The following CHD1 variants were observed in gnomAD, a reference collection of about 807,000 sequenced individuals.
CHD1 encodes chromodomain helicase DNA binding protein 1.
CHD1 carries 36 observed loss-of-function variants against 224.2 expected under a neutral mutation model. That is an observed-to-expected ratio of 0.16 (90% confidence interval 0.12 to 0.21). CHD1 has a LOEUF of 0.21. Ranked by LOEUF, CHD1 falls within the 10% of genes least tolerant of loss-of-function variation. The pLI is 1.00. For missense variants in CHD1, 1,378 were observed against 1,994.8 expected (o/e 0.69, Z 5.89); for synonymous variants, 668 against 658.3 (o/e 1.01, Z -0.23).
chr5:98,911,146 A>AAAATATATATATAAATATATATATATAT (rs1491111295), intron 2 of CHD1, among the ~76,000 whole-genome samples: 1 of 39,144 alleles, frequency 2.6e-5, no homozygotes, highest in African/African-American at 1.2e-4. Flanking sequence ...AAAAAAAAAA[A>AAAATATATATATAAATATATATATATAT]ATATATATAT....
chr5:98,901,080 G>T lies in CHD1; in HGVS notation c.590C>A (p.Ser197Tyr). The T allele has an allele frequency of 3.2e-6, 5 of 1,583,878 alleles. No individual in the cohort carries two copies. The highest frequency in any genetic ancestry group is 4.3e-6 in the Non-Finnish European group (5 of 1,169,732). ...AATCTTCTTTCCATTTTTTGACTTA[G>T]ATCTAGGAAAGTGCAAAGAGAAAAA... ...KVKSRKPQNR[S>Y]KSKNGKKILG... Residue 197 changes from serine to tyrosine, a missense_variant and splice_region_variant, in exon 7 of 36, where the codon TCT (serine) becomes TAT (tyrosine). Transcript: ENST00000614616.
intron 31 of CHD1, among the ~76,000 whole-genome samples, chr5:98,864,349 A>G (rs990252299): frequency 6.6e-6 from 1 of 151,990 alleles, no homozygotes; most frequent in African/African-American, 2.4e-5. Context: ...TGATGGGTCA[A>G]CATCAGACAA....
chr5:98,872,547 G>C lies in CHD1; in HGVS notation c.3580C>G (p.Leu1194Val). The C allele has an allele frequency of 6.2e-7, 1 of 1,612,336 alleles. No individual in the cohort carries two copies. Among genetic ancestry groups the C allele is most frequent in the Non-Finnish European group, 8.5e-7 (1 of 1,179,482 alleles). ...AATGTTGGACCCTTCACTTTTCCGA[G>C]TCTACCACCTTGATTTTTTTTAAAA... ...SSGTERTGGR[L>V]GKVKGPTFRI... Residue 1194 changes from leucine to valine, a missense_variant, in exon 27 of 36, where the codon CTC (leucine) becomes GTC (valine). By Grantham distance (32) the Leu-to-Val change is conservative. Around this residue, in one of 16 missense-constraint regions of CHD1, gnomAD observed 286 missense variants for 445.1 expected, o/e 0.64. Transcript: ENST00000614616.
At chr5:98,858,855 TATAA>T in intron 34 of CHD1, 105 bp downstream of exon 34, 1 of 605,472 alleles carries the variant, frequency 1.7e-6, no homozygotes, top group Non-Finnish European at 2.7e-6. Flanking sequence ...TAAAGGTACT[TATAA>T]ATAAAAACAA....
chr5:98,885,622 G>A lies in CHD1; in HGVS notation c.2524C>T (p.Leu842=), dbSNP rs375834691. ...QRLDGSIKGE[L]RKQALDHFNA... ...AAATGATCTAGAGCTTGTTTCCTCA[G>A]TTCTCCTTTTATTGATCCATCTAAT... Residue 842 remains leucine, a synonymous_variant, in exon 18 of 36, where the codon CTG becomes TTG. Coordinates refer to ENST00000614616, the MANE Select transcript of CHD1 (RefSeq NM_001270.4). 9 of 1,600,992 alleles carry A rather than the reference G, an allele frequency of 5.6e-6. No homozygotes were observed. The African/African-American group carries it at 1.2e-4, about 22-fold the overall frequency.
chr5:98,910,237 C>T (rs1393837341), intron 2 of CHD1, among the ~76,000 whole-genome samples: 2 of 152,176 alleles, frequency 1.3e-5, no homozygotes, highest in Non-Finnish European at 2.9e-5. Flanking sequence ...GAGTTGGTTG[C>T]AAATGGCACT....
chr5:98,913,320 T>G (rs1447089479), intron 2 of CHD1, among the ~76,000 whole-genome samples: 1 of 151,980 alleles, frequency 6.6e-6, no homozygotes, highest in African/African-American at 2.4e-5. Context: ...AAAAAATATA[T>G]AAACTTAGCT....
In CHD1 at chr5:98,869,873, T is replaced by C; in HGVS notation, c.3988A>G (p.Lys1330Glu). 1 of 1,597,026 alleles carries C rather than the reference T, an allele frequency of 6.3e-7. No individual in the cohort carries two copies. The change falls in exon 30 of 36, where the codon AAG (lysine) becomes GAG (glutamate). Residue 1330 changes from lysine (K) to glutamate (E), a missense_variant. Physicochemically the swap from Lys to Glu is moderately conservative, Grantham distance 56 (BLOSUM62 1). Transcript: ENST00000614616. ...KEALSGAGSS[K>E]RRKARAKKNK... Reference sequence around the variant, plus strand: ...TTCTTAGCTCTTGCTTTTCTCCTCTTTGAACTTCCCTAAAAATCATTATTT... The same window carrying C: ...TTCTTAGCTCTTGCTTTTCTCCTCTCTGAACTTCCCTAAAAATCATTATTT...
intron 2 of CHD1, among the ~76,000 whole-genome samples, chr5:98,914,814 C>T (rs1004695695): frequency 6.6e-6 from 1 of 152,222 alleles, no homozygotes; most frequent in Non-Finnish European, 1.5e-5. Context: ...ATTGCCCTAG[C>T]TCATGTTCCC....
intron 25 of CHD1, among the ~76,000 whole-genome samples, chr5:98,874,004 T>C (rs747929673): frequency 6.6e-6 from 1 of 152,210 alleles, no homozygotes; most frequent in East Asian, 1.9e-4. Flanking sequence ...AATTTTAAGA[T>C]GTTCAGAATG....
chr5:98,868,698 A>C, intron 30 of CHD1, 63 bp from the exon 31 acceptor site: 1 of 1,393,390 alleles, frequency 7.2e-7, no homozygotes, highest in East Asian at 2.4e-5. Context: ...CAAAATGACT[A>C]ACACTTCCAG....
intron 2 of CHD1, among the ~76,000 whole-genome samples, chr5:98,924,607 CTA>C (rs1438292711): frequency 1.3e-5 from 2 of 152,174 alleles, no homozygotes; most frequent in African/African-American, 4.8e-5. Context: ...ATTTTATTCT[CTA>C]TGATGTTCTT....
intron 31 of CHD1, 53 bp downstream of exon 31, chr5:98,868,442 C>A (rs552987523): frequency 2.1e-6 from 3 of 1,461,772 alleles, no homozygotes; most frequent in Middle Eastern, 1.8e-4. Flanking sequence ...TGACAAACTT[C>A]AACTTAAATG....
chr5:98,910,390 T>C (rs1286474337), intron 2 of CHD1, among the ~76,000 whole-genome samples: 1 of 152,174 alleles, frequency 6.6e-6, no homozygotes, highest in East Asian at 1.9e-4. Flanking sequence ...TGCTATAAAG[T>C]CAGGTAAAAT....
At chr5:98,880,930 G>C (rs2112390043) in intron 22 of CHD1, 146 bp downstream of exon 22, 1 of 629,012 alleles carries the variant, frequency 1.6e-6, no homozygotes. Context: ...GTTTGCTACT[G>C]GTTTGTCTGA....
At chr5:98,887,356 G>A (rs1365249929) in intron 17 of CHD1, among the ~76,000 whole-genome samples, 1 of 152,030 alleles carries the variant, frequency 6.6e-6, no homozygotes, top group Non-Finnish European at 1.5e-5. Flanking sequence ...GATAAGCTCT[G>A]ACAAAGCAGG....
intron 2 of CHD1, among the ~76,000 whole-genome samples, chr5:98,917,274 G>A (rs1404210299): frequency 2.5e-5 from 2 of 79,848 alleles, no homozygotes; most frequent in Non-Finnish European, 4.6e-5. Flanking sequence ...ATGGTTTTAA[G>A]CCCATCCCTC....
intron 2 of CHD1, among the ~76,000 whole-genome samples, chr5:98,912,664 CTG>C (rs1752497633): frequency 1.3e-5 from 2 of 152,088 alleles, no homozygotes; most frequent in African/African-American, 4.8e-5. Flanking sequence ...AGGCAAGACT[CTG>C]TCTCAAAAAA....
intron 2 of CHD1, among the ~76,000 whole-genome samples, chr5:98,905,663 G>GT (rs775980695): frequency 2.0e-5 from 3 of 152,118 alleles, no homozygotes; most frequent in Non-Finnish European, 4.4e-5. Flanking sequence ...TAAAAAATCA[G>GT]TAACACTGCT....
Sources: gnomAD v4.1 joint callset for allele counts (sites outside exome capture counted in the v4.1 genomes callset) on GRCh38, gnomAD v4.1.1 for gene constraint, gnomAD v4.1.1 regional missense constraint, MANE v1.5 for transcripts, NCBI Gene and HGNC (gene_info 2026-07-23, HGNC 2026-07-21) for gene names.